Variants in C11orf65 observed in about 807,000 individuals in gnomAD.
C11orf65 encodes the protein chromosome 11 open reading frame 65.
Under a neutral mutation model 35.3 loss-of-function variants are expected in C11orf65, and 38 were observed. The ratio of observed to expected loss-of-function variants is 1.08; its 90% CI spans 0.83 to 1.41. C11orf65 has a LOEUF of 1.41. Among genes scored for constraint, C11orf65 ranks in the 40% most tolerant of loss-of-function variants. The pLI, the probability that C11orf65 is intolerant of heterozygous loss-of-function variation, is 0.00. For missense variants in C11orf65, 370 were observed against 367.1 expected, an observed-to-expected ratio of 1.01 and a Z score of -0.06; for synonymous variants, 105 against 114.4, an observed-to-expected ratio of 0.92 and a Z score of 0.53.
chr11:108,422,636 C>A (rs1308874366), intron 3 of C11orf65, among the ~76,000 whole-genome samples: 7 of 152,170 alleles, frequency 4.6e-5, no homozygotes, highest in African/African-American at 1.4e-4. Context: ...GTAATCCCAG[C>A]ACTTTGGGAG....
chr11:108,417,748 C>T (rs1411136547), intron 3 of C11orf65, among the ~76,000 whole-genome samples: 5 of 151,748 alleles, frequency 3.3e-5, no homozygotes, highest in African/African-American at 1.2e-4. Context: ...AGGGGAACAT[C>T]ACACTCTGGG....
intron 2 of C11orf65, among the ~76,000 whole-genome samples, chr11:108,343,984 T>G (rs1366422691): frequency 1.3e-5 from 2 of 152,168 alleles, no homozygotes; most frequent in Admixed American, 1.3e-4. Flanking sequence ...ATATCAAATA[T>G]TACGACTAAT....
At chr11:108,352,079 G>T (rs1261043107) in intron 2 of C11orf65, among the ~76,000 whole-genome samples, 4 of 152,150 alleles carry the variant, frequency 2.6e-5, no homozygotes, top group African/African-American at 9.7e-5. Context: ...AAGATCCTGA[G>T]TCTCGTAATA....
intron 2 of C11orf65, among the ~76,000 whole-genome samples, chr11:108,343,026 A>C (rs1733255673): frequency 6.6e-6 from 1 of 152,202 alleles, no homozygotes; most frequent in African/African-American, 2.4e-5. Context: ...TCTAGGCAGC[A>C]GGCTGGAAAA....
chr11:108,449,072 T>C (rs1430368742), intron 2 of C11orf65, among the ~76,000 whole-genome samples: 1 of 152,164 alleles, frequency 6.6e-6, no homozygotes, highest in African/African-American at 2.4e-5. Context: ...GAATCCAACT[T>C]ACAAGGGATG....
At chr11:108,352,688 A>C (rs1184657930) in intron 2 of C11orf65, among the ~76,000 whole-genome samples, 1 of 152,236 alleles carries the variant, frequency 6.6e-6, no homozygotes, top group Non-Finnish European at 1.5e-5. Context: ...ATGCTTAAAC[A>C]AACTGTGTTA....
chr11:108,361,522 G>A (rs1324703308), intron 2 of C11orf65, among the ~76,000 whole-genome samples: 1 of 151,984 alleles, frequency 6.6e-6, no homozygotes, highest in African/African-American at 2.4e-5. Context: ...AAAGCTGGAG[G>A]CATCACACTA....
intron 3 of C11orf65, among the ~76,000 whole-genome samples, chr11:108,424,303 T>C (rs1281863789): frequency 6.6e-6 from 1 of 151,898 alleles, no homozygotes; most frequent in African/African-American, 2.4e-5. Flanking sequence ...AGAAAGGACA[T>C]CAGAGATTGA....
chr11:108,381,709 T>C (rs543803570), downstream of C11orf65, among the ~76,000 whole-genome samples: 36 of 152,380 alleles, frequency 2.4e-4, no homozygotes, highest in Non-Finnish European at 4.4e-4. Context: ...CAATGTCTTA[T>C]GGTTTCCTTT....
intron 6 of C11orf65, chr11:108,321,555 G>T: frequency 8.4e-6 from 11 of 1,309,428 alleles, no homozygotes; most frequent in Non-Finnish European, 9.7e-6. Flanking sequence ...GGCTGAAGTG[G>T]GTGGATCACT....
At chr11:108,309,537 A>G (rs2135998932) in intron 6 of C11orf65, among the ~76,000 whole-genome samples, 1 of 152,248 alleles carries the variant, frequency 6.6e-6, no homozygotes, top group African/African-American at 2.4e-5. Context: ...CTAGATTTGA[A>G]CCTACCTGTA....
intron 2 of C11orf65, among the ~76,000 whole-genome samples, chr11:108,345,270 G>A (rs1358607264): frequency 1.3e-5 from 2 of 152,224 alleles, no homozygotes; most frequent in Non-Finnish European, 2.9e-5. Context: ...ATGGAAGGGA[G>A]TTGAAGTCGG....
intron 2 of C11orf65, chr11:108,354,980 G>A (rs1163141561): frequency 1.1e-5 from 11 of 971,130 alleles, no homozygotes; most frequent in Non-Finnish European, 1.8e-5. Flanking sequence ...TTTAACATAG[G>A]GGGATGTGGC....
At position 108,331,569 on chromosome 11, in the gene C11orf65, T is replaced by C. The variant is rs373731708; in HGVS notation, c.300-2A>G. 3 of 1,601,956 alleles carry C rather than the reference T, an allele frequency of 1.9e-6. No individual in the cohort carries two copies. The African/African-American group carries it at 4.0e-5, about 21-fold the overall frequency. On this transcript the variant is annotated splice_acceptor_variant, in intron 3 of 3. Transcript: ENST00000524755. LOFTEE classifies it high-confidence loss of function. ...AAGTCCTCAATAATGTAAGTAAACC[T>C]GAAAATCAAACCACAATAATTATTT...
At chr11:108,341,276 T>C (rs1445449487) in intron 2 of C11orf65, among the ~76,000 whole-genome samples, 1 of 152,140 alleles carries the variant, frequency 6.6e-6, no homozygotes, top group Non-Finnish European at 1.5e-5. Context: ...AGTCACTCCC[T>C]TACTTCATTC....
intron 3 of C11orf65, among the ~76,000 whole-genome samples, chr11:108,417,049 AG>A (rs2092743907): frequency 6.6e-6 from 1 of 152,246 alleles, no homozygotes; most frequent in African/African-American, 2.4e-5. Flanking sequence ...TAATATATAG[AG>A]AAAAATATAA....
At chr11:108,434,437 G>A (rs561749833) in intron 2 of C11orf65, among the ~76,000 whole-genome samples, 9 of 151,786 alleles carry the variant, frequency 5.9e-5, no homozygotes, top group Admixed American at 3.3e-4. Context: ...TCTGGCAAGC[G>A]GAGGTTGCAG....
chr11:108,354,694 GAT>G, intron 2 of C11orf65: 1 of 915,488 alleles, frequency 1.1e-6, no homozygotes, highest in Non-Finnish European at 1.8e-6. Flanking sequence ...TTGAGATACA[GAT>G]ATGTAGATTA....
At chr11:108,329,318 G>T (rs2086016249), downstream of C11orf65, 3 of 1,286,366 alleles carry the variant, frequency 2.3e-6, no homozygotes, top group Non-Finnish European at 3.3e-6. Flanking sequence ...GAGTGACTTG[G>T]TCTTTTTATC....
Sources: allele counts gnomAD v4.1 joint callset (sites outside exome capture counted in the v4.1 genomes callset), GRCh38; gene constraint gnomAD v4.1.1; transcripts MANE v1.5; gene names NCBI Gene and HGNC (gene_info 2026-07-23, HGNC 2026-07-21).